The following NTM variants were observed in gnomAD, a reference collection of about 807,000 sequenced individuals.
The protein encoded by NTM is IgLON family member 2.
NTM carries 13 observed loss-of-function variants against 42.1 expected under a neutral mutation model. The ratio of observed to expected loss-of-function variants is 0.31; its 90% CI spans 0.20 to 0.49. The LOEUF (loss-of-function observed/expected upper bound fraction) is 0.49. NTM is among the 20% of genes least tolerant of loss of function. The pLI, the probability that NTM is intolerant of heterozygous loss-of-function variation, is 0.99. For synonymous variants in NTM, 187 were observed against 179.2 expected, an observed-to-expected ratio of 1.04 and a Z score of -0.35; for missense variants, 373 against 452.8, an observed-to-expected ratio of 0.82 and a Z score of 1.60.
At chr11:131,490,064 G>C (rs1259090646) in intron 1 of NTM, among the ~76,000 whole-genome samples, 1 of 152,188 alleles carries the variant, frequency 6.6e-6, no homozygotes, top group African/African-American at 2.4e-5. Flanking sequence ...CAAGGGTTGG[G>C]GGAGGTGCCA....
chr11:131,733,663 G>A (rs1263533421), intron 1 of NTM, among the ~76,000 whole-genome samples: 1 of 152,080 alleles, frequency 6.6e-6, no homozygotes, highest in Non-Finnish European at 1.5e-5. Flanking sequence ...AGCCTCCCAA[G>A]TGGCTGGGAT....
chr11:131,606,551 GGAAAATAGTA>G (rs368531985), intron 1 of NTM, among the ~76,000 whole-genome samples: 233 of 152,294 alleles, frequency 1.5e-3, no homozygotes, highest in African/African-American at 5.3e-3. Context: ...TAATGGGTTT[GGAAAATAGTA>G]GAAAAACTTT....
chr11:132,078,599 C>T (rs1423234330), intron 2 of NTM, among the ~76,000 whole-genome samples: 1 of 152,158 alleles, frequency 6.6e-6, no homozygotes, highest in African/African-American at 2.4e-5. Context: ...TAAAGTAAGC[C>T]AGATAGAAAC....
chr11:131,975,546 A>G (rs187805169), intron 2 of NTM, among the ~76,000 whole-genome samples: 125 of 109,014 alleles, frequency 1.1e-3, no homozygotes, highest in East Asian at 8.2e-3. Flanking sequence ...GGGAGGGGGG[A>G]AAAAAAACCT....
chr11:131,968,017 G>A (rs1294219484), intron 2 of NTM, among the ~76,000 whole-genome samples: 1 of 152,202 alleles, frequency 6.6e-6, no homozygotes, highest in Admixed American at 6.5e-5. Context: ...TATAGGAATC[G>A]GCTAGAAATA....
In NTM at chr11:132,003,280, T is replaced by C. The variant is rs2069815211; in HGVS notation, c.167+91632T>C. Among the ~76,000 whole-genome samples, 1 of 151,842 alleles carries C rather than the reference T, an allele frequency of 6.6e-6. No homozygotes were observed. Among genetic ancestry groups the C allele is most frequent in the South Asian group, 2.1e-4 (1 of 4,794 alleles). ...TTCTTTTTTTTTTTTGACAGGTTAT[T>C]TGTTGCCCAGGTTGGAGTGCAGTGA... On this transcript the variant is annotated intron_variant, in intron 2 of 8. Coordinates refer to ENST00000683400, the MANE Select transcript of NTM (RefSeq NM_001352005.2). This position sits in a 1 kb window ranked among gnomAD's most constrained non-coding sequence, Gnocchi z 6.0.
At position 132,188,266 on chromosome 11, in the gene NTM, G is replaced by A. The variant is rs550817723; in HGVS notation, c.401-23756G>A. 7.9e-5 allele frequency among the ~76,000 whole-genome samples: 12 copies of A among 152,270 alleles called. No individual in the cohort carries two copies. In the South Asian group the frequency reaches 2.5e-3, roughly 32 times the overall value. ...AAATGTCAGTAGTGCTGAGGTTGAG[G>A]AACCCGGACTAACCCAAACGCCTCC... On this transcript the variant is annotated intron_variant, in intron 3 of 8. Coordinates refer to ENST00000683400, the MANE Select transcript of NTM (RefSeq NM_001352005.2).
intron 1 of NTM, among the ~76,000 whole-genome samples, chr11:131,766,724 A>C: frequency 6.6e-6 from 1 of 152,282 alleles, no homozygotes; most frequent in East Asian, 1.9e-4. Context: ...GTGTGATTTT[A>C]AAAATATAAA....
intron 3 of NTM, among the ~76,000 whole-genome samples, chr11:132,193,869 A>C (rs1424171489): frequency 6.6e-6 from 1 of 152,156 alleles, no homozygotes; most frequent in Non-Finnish European, 1.5e-5. Flanking sequence ...AACCTAGAAG[A>C]AATGGATAAA....
intron 2 of NTM, among the ~76,000 whole-genome samples, chr11:132,041,661 G>A (rs1264088553): frequency 1.3e-5 from 2 of 152,184 alleles, no homozygotes; most frequent in Admixed American, 1.3e-4. Context: ...AATGGGAGCA[G>A]AGGAAGGATC....
chr11:132,335,225 C>T lies in NTM; in HGVS notation c.*79C>T. 1 of 1,478,796 alleles carries T rather than the reference C, an allele frequency of 6.8e-7. No individual in the cohort carries two copies. The highest frequency in any genetic ancestry group is 9.3e-7 in the Non-Finnish European group (1 of 1,072,558). The allele number at this position is 1,478,796 out of a possible 1,614,324, so 91.6% of individuals were successfully genotyped here. A position where few individuals can be genotyped will look rare whatever the true frequency, so the allele number is the denominator to read the frequency against. Reference sequence around the variant, plus strand: ...ACAACAGCAATGGCAACACCGACAGCAACCAATCAGATATATACAAATGAA... The same window carrying T: ...ACAACAGCAATGGCAACACCGACAGTAACCAATCAGATATATACAAATGAA... On this transcript the variant is annotated 3_prime_UTR_variant, in exon 9 of 9. Transcript: ENST00000683400.
intron 1 of NTM, among the ~76,000 whole-genome samples, chr11:131,722,003 A>C (rs2078403333): frequency 7.0e-6 from 1 of 143,122 alleles, no homozygotes; most frequent in Admixed American, 6.9e-5. Context: ...TCTCAAAAAA[A>C]AAAAAAAAAA....
intron 2 of NTM, among the ~76,000 whole-genome samples, chr11:131,982,744 C>T (rs1412444523): frequency 1.3e-5 from 2 of 152,146 alleles, no homozygotes; most frequent in African/African-American, 4.8e-5. Context: ...GCTGTGGTGC[C>T]CACTGGCTTT....
chr11:132,154,469 T>C lies in NTM; in HGVS notation c.400+7955T>C, dbSNP rs1385016969. On this transcript the variant is annotated intron_variant, in intron 3 of 8. Coordinates refer to ENST00000683400, the MANE Select transcript of NTM (RefSeq NM_001352005.2). ...ACGTCAATTTTCAAAATCTCTCCAA[T>C]GTATGTCTTACATTTGAATTTGTAA... is the stretch of plus-strand genomic sequence containing the variant. Among the ~76,000 whole-genome samples the C allele has an allele frequency of 3.0e-4, 46 of 152,240 alleles. 1 individual carries two copies. The highest frequency in any genetic ancestry group is 3.0e-3 in the Admixed American group (46 of 15,292).
intron 3 of NTM, among the ~76,000 whole-genome samples, chr11:132,150,447 A>G (rs1240586112): frequency 6.6e-6 from 1 of 152,208 alleles, no homozygotes; most frequent in Non-Finnish European, 1.5e-5. Context: ...TTTATTGGAT[A>G]GTGCTATAAG....
intron 1 of NTM, among the ~76,000 whole-genome samples, chr11:131,540,367 G>C (rs182460166): frequency 1.3e-5 from 2 of 151,734 alleles, no homozygotes; most frequent in African/African-American, 2.4e-5. Flanking sequence ...GGGTTTCACC[G>C]TATCAGCCAG....
intron 2 of NTM, among the ~76,000 whole-genome samples, chr11:132,032,785 A>G (rs1243955372): frequency 3.3e-5 from 5 of 152,222 alleles, no homozygotes; most frequent in African/African-American, 4.8e-5. Context: ...ACTAGGATAC[A>G]GCATTCTTCC....
chr11:132,317,942 A>G lies in NTM; in HGVS notation c.934+3239A>G, dbSNP rs557065527. ...AAAGAAAAGTATCGTTAAATTCTCA[A>G]TGCCCAGGGATCAGCACAAAGGCAA... On this transcript the variant is annotated intron_variant, in intron 7 of 8. Transcript: ENST00000683400. 1.3e-5 allele frequency among the ~76,000 whole-genome samples: 2 copies of G among 152,262 alleles called. 1 individual carries two copies. Among genetic ancestry groups the G allele is most frequent in the African/African-American group, 4.8e-5 (2 of 41,552 alleles).
At chr11:132,117,463 G>T (rs1193844705) in intron 2 of NTM, among the ~76,000 whole-genome samples, 2 of 152,160 alleles carry the variant, frequency 1.3e-5, no homozygotes, top group Non-Finnish European at 2.9e-5. Context: ...ACAAGTCTTT[G>T]CTCTCAGAAG....
Sources: gnomAD v4.1 joint callset for allele counts (sites outside exome capture counted in the v4.1 genomes callset) on GRCh38, gnomAD v4.1.1 for gene constraint, Gnocchi (gnomAD v3.1) non-coding constraint, MANE v1.5 for transcripts, NCBI Gene and HGNC (gene_info 2026-07-23, HGNC 2026-07-21) for gene names.